RASEF: variants seen among roughly 807,000 people sequenced by gnomAD.
RASEF encodes ras and EF-hand domain-containing protein.
In RASEF, 68 loss-of-function variants were observed where a neutral mutation model predicts 90.1. That is an observed-to-expected ratio of 0.75 (90% CI 0.62 to 0.92). The LOEUF (loss-of-function observed/expected upper bound fraction) is 0.92. Among genes scored for constraint, RASEF ranks in the 40% least tolerant of loss-of-function variants. The probability of loss-of-function intolerance (pLI) is 0.00; values close to 1 mark genes in which losing one functional copy is unlikely to be tolerated. For synonymous variants in RASEF, 331 were observed against 345.2 expected, an observed-to-expected ratio of 0.96 and a Z score of 0.46; for missense variants, 949 against 937.2, an observed-to-expected ratio of 1.01 and a Z score of -0.16.
chr9:83,150,191 G>T, the RASEF span, among the ~76,000 whole-genome samples: 1 of 152,212 alleles, frequency 6.6e-6, no homozygotes, highest in Admixed American at 6.5e-5. Flanking sequence ...GACAAGGTGT[G>T]AAGAGGGAGT....
intron 1 of RASEF, among the ~76,000 whole-genome samples, chr9:83,056,883 T>G (rs764808517): frequency 5.3e-5 from 8 of 152,244 alleles, no homozygotes; most frequent in Non-Finnish European, 8.8e-5. Context: ...CAGTGAATTC[T>G]GAGGGTCACA....
chr9:83,005,293 A>T, intron 8 of RASEF, 123 bp downstream of exon 8: 1 of 666,216 alleles, frequency 1.5e-6, no homozygotes, highest in Non-Finnish European at 2.6e-6. Context: ...TTATGGAAAG[A>T]TCTTCTCATT....
At chr9:83,161,107 C>G in the RASEF span, among the ~76,000 whole-genome samples, 3 of 152,202 alleles carry the variant, frequency 2.0e-5, no homozygotes, top group Non-Finnish European at 1.5e-5. Flanking sequence ...GAGCCCCCCC[C>G]ACAGAGTCCC....
intron 1 of RASEF, chr9:83,049,124 CA>C (rs1232006240): frequency 0.094 from 7,959 of 84,972 alleles, 157 homozygotes; most frequent in African/African-American, 0.19. Context: ...ACTCCGTCTC[CA>C]AAAAAAAAAA....
the RASEF span, among the ~76,000 whole-genome samples, chr9:83,092,276 T>G: frequency 6.6e-6 from 1 of 152,122 alleles, no homozygotes; most frequent in East Asian, 1.9e-4. Context: ...TGTAGTATTG[T>G]GTCTGGAACT....
At chr9:83,161,810 T>C in the RASEF span, among the ~76,000 whole-genome samples, 3 of 152,016 alleles carry the variant, frequency 2.0e-5, no homozygotes, top group Non-Finnish European at 4.4e-5. Context: ...GGGTCTTTCC[T>C]ATCCTGTTCT....
chr9:83,204,683 G>GA, the RASEF span, among the ~76,000 whole-genome samples: 3 of 152,082 alleles, frequency 2.0e-5, no homozygotes, highest in Non-Finnish European at 2.9e-5. Flanking sequence ...TTTAATATGA[G>GA]AAAAAATTAG....
chr9:83,120,674 G>A, the RASEF span, among the ~76,000 whole-genome samples: 2 of 152,198 alleles, frequency 1.3e-5, no homozygotes, highest in Non-Finnish European at 2.9e-5. Context: ...TCAAGTAGAA[G>A]TCTGAAGATA....
the RASEF span, among the ~76,000 whole-genome samples, chr9:83,071,819 G>T: frequency 1.3e-5 from 2 of 152,126 alleles, no homozygotes; most frequent in African/African-American, 4.8e-5. Context: ...CTGGTAAGTG[G>T]GTGTCTTATT....
chr9:83,090,131 C>A, the RASEF span, among the ~76,000 whole-genome samples: 1 of 152,044 alleles, frequency 6.6e-6, no homozygotes, highest in African/African-American at 2.4e-5. Flanking sequence ...TGCTGTTGAG[C>A]CCCTCTAGTG....
chr9:83,012,606 T>C (rs1829268855), intron 4 of RASEF, 95 bp from the exon 5 acceptor site: 4 of 543,440 alleles, frequency 7.4e-6, no homozygotes, highest in Non-Finnish European at 1.2e-5. Context: ...ATGAGAATTC[T>C]AGAAGTCACC....
intron 3 of RASEF, among the ~76,000 whole-genome samples, chr9:83,019,477 G>C (rs185052334): frequency 9.2e-4 from 140 of 152,218 alleles, no homozygotes; most frequent in Admixed American, 2.0e-3. Context: ...ACTGCTGATT[G>C]AATCATACAA....
In RASEF at chr9:83,062,602, G is replaced by A. The variant is rs200503931; in HGVS notation, c.266C>T (p.Ala89Val). ...RRRDWGPLDP[A>V]PAVSEAGPET... The stretch of plus-strand genomic sequence containing the variant: ...CGGCCCCGCCTCAGACACGGCGGGC[G>A]CGGGATCCAGAGGACCCCAGTCCCG... The change falls in exon 1 of 17, where the codon GCG (alanine) becomes GTG (valine). Residue 89 changes from alanine to valine, a missense_variant. This residue lies in a region of RASEF where 656 missense variants were observed against 592.2 expected (regional missense o/e 1.11). Transcript: ENST00000376447. 1.2e-3 allele frequency: 1,824 copies of A among 1,566,986 alleles called. 24 individuals are homozygous for A. In the African/African-American group the frequency reaches 0.02, roughly 18 times the overall value.
chr9:83,159,994 C>A, the RASEF span, among the ~76,000 whole-genome samples: 2 of 152,326 alleles, frequency 1.3e-5, no homozygotes, highest in African/African-American at 4.8e-5. Flanking sequence ...TGCCTTTCAC[C>A]TTCTGCCGTG....
At chr9:83,212,129 A>T in the RASEF span, among the ~76,000 whole-genome samples, 1 of 152,234 alleles carries the variant, frequency 6.6e-6, no homozygotes, top group African/African-American at 2.4e-5. Context: ...TGTGATAACA[A>T]TAACAACAAA....
chr9:83,087,205 T>A, the RASEF span, among the ~76,000 whole-genome samples: 1 of 152,182 alleles, frequency 6.6e-6, no homozygotes, highest in African/African-American at 2.4e-5. Flanking sequence ...ATTGTTAAAG[T>A]TACCTTGCTG....
chr9:83,144,908 T>G, the RASEF span, among the ~76,000 whole-genome samples: 13 of 152,216 alleles, frequency 8.5e-5, no homozygotes, highest in Non-Finnish European at 1.3e-4. Flanking sequence ...AGCCAAATAC[T>G]GTAAAATAGT....
rs909368275 is a variant in RASEF at position 82,994,752 on chromosome 9, C to G, written c.1921-1727G>C. 2.4e-4 allele frequency among the ~76,000 whole-genome samples: 36 copies of G among 152,212 alleles called. 1 individual carries two copies. Among genetic ancestry groups the G allele is most frequent in the African/African-American group, 8.0e-4 (33 of 41,460 alleles). On this transcript the variant is annotated intron_variant, in intron 14 of 16. Transcript: ENST00000376447. Reference sequence around the variant, plus strand: ...TATTCGATCAATAAAATATTCATGACAGATAAACAAATGGCTATAATTTTA... The same window carrying G: ...TATTCGATCAATAAAATATTCATGAGAGATAAACAAATGGCTATAATTTTA...
the RASEF span, among the ~76,000 whole-genome samples, chr9:83,196,137 G>T: frequency 2.0e-5 from 3 of 152,100 alleles, no homozygotes; most frequent in Admixed American, 2.0e-4. Flanking sequence ...AGGTTGAAGT[G>T]GAAAGGATCA....
Sources: allele counts gnomAD v4.1 joint callset (sites outside exome capture counted in the v4.1 genomes callset), GRCh38; gene constraint gnomAD v4.1.1; regional missense constraint gnomAD v4.1.1; transcripts MANE v1.5; gene names NCBI Gene and HGNC (gene_info 2026-07-23, HGNC 2026-07-21).